Variants in LUZP2 observed in about 807,000 individuals in gnomAD.
LUZP2 encodes leucine zipper protein 2.
LUZP2 carries 52 observed loss-of-function variants against 51.6 expected under a neutral mutation model. The observed-to-expected ratio is 1.01, with a 90% CI of 0.81 to 1.27. LUZP2 has a LOEUF of 1.27. Among genes scored for constraint, LUZP2 ranks in the 50% most tolerant of loss-of-function variants. LUZP2 has a pLI of 0.00. For synonymous variants in LUZP2, 154 were observed against 137.3 expected, an observed-to-expected ratio of 1.12 and a Z score of -0.85; for missense variants, 436 against 395.4, an observed-to-expected ratio of 1.10 and a Z score of -0.87.
intron 9 of LUZP2, among the ~76,000 whole-genome samples, chr11:25,039,276 C>G (rs1396963984): frequency 6.6e-6 from 1 of 152,090 alleles, no homozygotes; most frequent in African/African-American, 2.4e-5. Flanking sequence ...TTTGGGTACA[C>G]TGGGGGATGC....
At chr11:24,662,068 C>G (rs1013400640) in intron 1 of LUZP2, among the ~76,000 whole-genome samples, 2 of 151,200 alleles carry the variant, frequency 1.3e-5, no homozygotes, top group African/African-American at 4.9e-5. Context: ...ATTTCAAATC[C>G]TAAAGCAAGC....
At chr11:24,924,052 C>T (rs1271859202) in intron 7 of LUZP2, among the ~76,000 whole-genome samples, 1 of 151,878 alleles carries the variant, frequency 6.6e-6, no homozygotes, top group Admixed American at 6.6e-5. Context: ...CTGCTTGCCC[C>T]CCCACACCCA....
intron 7 of LUZP2, among the ~76,000 whole-genome samples, chr11:24,973,964 C>G (rs1471861433): frequency 6.6e-6 from 1 of 151,948 alleles, no homozygotes; most frequent in African/African-American, 2.4e-5. Context: ...TGATCCAGAG[C>G]TGAGTTCAGT....
chr11:24,900,020 T>C, intron 5 of LUZP2, among the ~76,000 whole-genome samples: 1 of 152,184 alleles, frequency 6.6e-6, no homozygotes, highest in East Asian at 1.9e-4. Flanking sequence ...TTCACCATCT[T>C]TGCCAATGAT....
intron 1 of LUZP2, among the ~76,000 whole-genome samples, chr11:24,591,644 C>T (rs185709700): frequency 1.2e-4 from 19 of 152,200 alleles, no homozygotes; most frequent in African/African-American, 4.3e-4. Context: ...AGGGCCTGGT[C>T]ACAGTTTCAG....
At chr11:24,546,534 G>A (rs1003142433) in intron 1 of LUZP2, among the ~76,000 whole-genome samples, 29 of 152,106 alleles carry the variant, frequency 1.9e-4, no homozygotes, top group South Asian at 6.2e-4. Context: ...ATGATCATGT[G>A]GGTATTGTTT....
At chr11:25,031,038 A>T in intron 9 of LUZP2, among the ~76,000 whole-genome samples, 2 of 106,542 alleles carry the variant, frequency 1.9e-5, no homozygotes, top group East Asian at 3.2e-4. Context: ...TTTGAGACAG[A>T]GTCTCACTCT....
chr11:24,810,604 G>A (rs958058688), intron 5 of LUZP2, among the ~76,000 whole-genome samples: 1 of 152,142 alleles, frequency 6.6e-6, no homozygotes, highest in Admixed American at 6.5e-5. Context: ...TTCCTCGTGG[G>A]TGAGATAGAA....
chr11:24,615,215 C>T (rs1422868410), intron 1 of LUZP2, among the ~76,000 whole-genome samples: 2 of 151,782 alleles, frequency 1.3e-5, no homozygotes, highest in Admixed American at 6.6e-5. Context: ...TATAGTATCA[C>T]AAGGATGTTA....
At chr11:24,711,518 T>C (rs965571406) in intron 1 of LUZP2, among the ~76,000 whole-genome samples, 8 of 152,008 alleles carry the variant, frequency 5.3e-5, no homozygotes, top group Non-Finnish European at 1.2e-4. Flanking sequence ...GGTATAGACA[T>C]CAGGGGAGTC....
chr11:24,705,515 T>C (rs1415050643), intron 1 of LUZP2, among the ~76,000 whole-genome samples: 1 of 152,200 alleles, frequency 6.6e-6, no homozygotes, highest in African/African-American at 2.4e-5. Context: ...TGTACATTTA[T>C]TGATGCACAT....
chr11:24,801,680 T>G (rs1359920135), intron 5 of LUZP2, among the ~76,000 whole-genome samples: 1 of 151,686 alleles, frequency 6.6e-6, no homozygotes, highest in Non-Finnish European at 1.5e-5. Flanking sequence ...GACAATAATA[T>G]TCTAATAGTA....
rs549453515 is a variant in LUZP2 at position 24,957,004 on chromosome 11, G to A, written c.523-19587G>A. 2.6e-5 allele frequency among the ~76,000 whole-genome samples: 4 copies of A among 152,172 alleles called. No homozygotes were observed. The South Asian group carries it at 8.3e-4, about 32-fold the overall frequency. On this transcript the variant is annotated intron_variant, in intron 7 of 11. Transcript: ENST00000336930. ...AGTCATAAAAATAATTGTTCCTTGG[G>A]GTAGGGTAGCATTACAATGGGAGAC...
At chr11:24,801,123 A>G (rs11028183) in intron 5 of LUZP2, among the ~76,000 whole-genome samples, 16,399 of 152,178 alleles carry the variant, frequency 0.11, 1,225 homozygotes, top group East Asian at 0.42. Flanking sequence ...GGGTTCAAGT[A>G]TCATAAGGGA....
intron 4 of LUZP2, among the ~76,000 whole-genome samples, chr11:24,757,281 C>A (rs1304652834): frequency 1.3e-5 from 2 of 151,926 alleles, no homozygotes; most frequent in East Asian, 1.9e-4. Flanking sequence ...AAATGAAGTT[C>A]TATAAATTCA....
Position 24,736,202 on chromosome 11 carries a change from A to G in LUZP2, c.252-2019A>G, listed in dbSNP as rs184995165. Among the ~76,000 whole-genome samples the G allele has an allele frequency of 1.2e-3, 181 of 147,348 alleles. 1 individual carries two copies. Among genetic ancestry groups the G allele is most frequent in the Middle Eastern group, 3.5e-3 (1 of 284 alleles). On this transcript the variant is annotated intron_variant, in intron 3 of 11. Transcript: ENST00000336930. Reference sequence around the variant, plus strand: ...TATAGATAGATACCTACTCCCACACATACATTATCTATCTATCTATCTATC... The same window carrying G: ...TATAGATAGATACCTACTCCCACACGTACATTATCTATCTATCTATCTATC...
intron 5 of LUZP2, among the ~76,000 whole-genome samples, chr11:24,818,493 C>A (rs1325881070): frequency 6.6e-6 from 1 of 151,856 alleles, no homozygotes; most frequent in Non-Finnish European, 1.5e-5. Context: ...GGCGGGGCTG[C>A]AATTCTAATA....
chr11:24,530,661 GT>G (rs1319376644), intron 1 of LUZP2, among the ~76,000 whole-genome samples: 1 of 147,286 alleles, frequency 6.8e-6, no homozygotes, highest in Non-Finnish European at 1.5e-5. Context: ...CTGTTTTCAA[GT>G]TTGTCAGTTG....
intron 9 of LUZP2, among the ~76,000 whole-genome samples, chr11:25,028,346 C>A (rs921380718): frequency 2.0e-5 from 3 of 152,094 alleles, no homozygotes; most frequent in African/African-American, 7.2e-5. Context: ...TTCTCATCCC[C>A]ACTCCCCATG....
Sources: allele counts gnomAD v4.1 joint callset (sites outside exome capture counted in the v4.1 genomes callset), GRCh38; gene constraint gnomAD v4.1.1; transcripts MANE v1.5; gene names NCBI Gene and HGNC (gene_info 2026-07-23, HGNC 2026-07-21).